The following CERKL variants were observed in gnomAD, a reference collection of about 807,000 sequenced individuals.
CERKL encodes ceramide kinase-like protein.
In CERKL, 61 loss-of-function variants were observed where a neutral mutation model predicts 63.4. The observed-to-expected ratio is 0.96, with a 90% CI of 0.78 to 1.19. CERKL has a LOEUF of 1.19. Among genes scored for constraint, CERKL ranks in the 50% most tolerant of loss-of-function variants. CERKL has a pLI of 0.00. For synonymous variants in CERKL, 250 were observed against 230.5 expected (o/e 1.08, Z -0.77); for missense variants, 675 against 655.5 (o/e 1.03, Z -0.33).
At chr2:181,623,521 T>C (rs375808414) in intron 1 of CERKL, among the ~76,000 whole-genome samples, 1 of 152,226 alleles carries the variant, frequency 6.6e-6, no homozygotes, top group East Asian at 1.9e-4. Flanking sequence ...ATAGTATGTA[T>C]TTGAGTGAAA....
At chr2:181,619,673 T>C (rs1348124) in intron 1 of CERKL, among the ~76,000 whole-genome samples, 151,212 of 152,266 alleles carry the variant, frequency 0.99, 75,098 homozygotes, top group Middle Eastern at 1. Context: ...CATGGAAGGC[T>C]TTCTTGACTC....
At chr2:181,570,857 A>G (rs1688872940) in intron 3 of CERKL, among the ~76,000 whole-genome samples, 1 of 152,102 alleles carries the variant, frequency 6.6e-6, no homozygotes, top group Non-Finnish European at 1.5e-5. Flanking sequence ...TTAACTCATC[A>G]TATAGGGTTT....
intron 2 of CERKL, among the ~76,000 whole-genome samples, chr2:181,588,197 G>C (rs1463515394): frequency 6.6e-6 from 1 of 152,072 alleles, no homozygotes; most frequent in Non-Finnish European, 1.5e-5. Context: ...TAGACCTCTT[G>C]AACTTCTTCC....
intron 1 of CERKL, among the ~76,000 whole-genome samples, chr2:181,646,806 C>G (rs1036401363): frequency 9.2e-5 from 14 of 152,204 alleles, no homozygotes; most frequent in African/African-American, 3.4e-4. Context: ...TTCTGCTAAT[C>G]TCTGCCTGAA....
chr2:181,541,444 C>A lies in CERKL; in HGVS notation c.1366-2180G>T, dbSNP rs114603217. Among the ~76,000 whole-genome samples, 1,466 of 152,252 alleles carry A rather than the reference C, an allele frequency of 9.6e-3. 12 individuals are homozygous for A. The highest frequency in any genetic ancestry group is 0.015 in the Non-Finnish European group (992 of 68,024). ...AGCCAATGAATAAAATGCCAAAACA[C>A]TGGGAATGTGGTGGAGGGTGGTAAT... is the stretch of plus-strand genomic sequence containing the variant. On this transcript the variant is annotated intron_variant, in intron 11 of 12. Transcript: ENST00000410087.
intron 1 of CERKL, 86 bp downstream of exon 1, chr2:181,656,683 A>G: frequency 8.6e-7 from 1 of 1,161,514 alleles, no homozygotes; most frequent in Non-Finnish European, 1.2e-6. Flanking sequence ...GGGAGGGTGG[A>G]GCAAAAGCTC....
intron 1 of CERKL, among the ~76,000 whole-genome samples, chr2:181,612,200 C>A (rs920474768): frequency 6.6e-6 from 1 of 152,172 alleles, no homozygotes; most frequent in East Asian, 1.9e-4. Flanking sequence ...TACTACAACT[C>A]GTTAACAACA....
At chr2:181,552,381 A>G (rs1688023650) in intron 5 of CERKL, among the ~76,000 whole-genome samples, 1 of 152,080 alleles carries the variant, frequency 6.6e-6, no homozygotes, top group Non-Finnish European at 1.5e-5. Flanking sequence ...TTCTTGTGAT[A>G]GTGAGTGAGT....
At chr2:181,609,246 TCCCTCCC>T (rs1038038312) in intron 1 of CERKL, among the ~76,000 whole-genome samples, 1 of 106,922 alleles carries the variant, frequency 9.4e-6, no homozygotes, top group African/African-American at 3.6e-5. Context: ...CCCAATGCTA[TCCCTCCC>T]CCCTCCCCCC....
chr2:181,588,941 G>A (rs1281505598), intron 2 of CERKL, among the ~76,000 whole-genome samples: 1 of 151,874 alleles, frequency 6.6e-6, no homozygotes, highest in African/African-American at 2.4e-5. Flanking sequence ...TTGTTTTCTT[G>A]CTATTGAGTT....
At chr2:181,618,139 T>C (rs1686283130) in intron 1 of CERKL, among the ~76,000 whole-genome samples, 1 of 152,174 alleles carries the variant, frequency 6.6e-6, no homozygotes, top group South Asian at 2.1e-4. Flanking sequence ...GGGGTGGGTG[T>C]TGAAAAATTA....
chr2:181,646,673 G>C (rs944533698), intron 1 of CERKL, among the ~76,000 whole-genome samples: 7 of 152,214 alleles, frequency 4.6e-5, no homozygotes, highest in Admixed American at 1.3e-4. Flanking sequence ...GTTCCCATGA[G>C]AGACTGATAA....
chr2:181,589,479 C>A (rs760926541), intron 2 of CERKL, among the ~76,000 whole-genome samples: 1 of 152,162 alleles, frequency 6.6e-6, no homozygotes, highest in African/African-American at 2.4e-5. Context: ...TGAAGCTTTA[C>A]GCCTATGTTT....
intron 1 of CERKL, among the ~76,000 whole-genome samples, chr2:181,649,206 GAA>G (rs1687796810): frequency 6.6e-6 from 1 of 152,124 alleles, no homozygotes; most frequent in African/African-American, 2.4e-5. Flanking sequence ...TGAAGAAATG[GAA>G]AAAGATATTC....
At chr2:181,641,302 CATATATATATATATATATATAT>C (rs1174454591) in intron 1 of CERKL, among the ~76,000 whole-genome samples, 3 of 97,122 alleles carry the variant, frequency 3.1e-5, no homozygotes, top group African/African-American at 7.8e-5. Context: ...TATGTGTATG[CATATATATATATATATATATAT>C]ATATATATAT....
chr2:181,651,791 C>G (rs1412751338), intron 1 of CERKL, among the ~76,000 whole-genome samples: 1 of 150,878 alleles, frequency 6.6e-6, no homozygotes, highest in African/African-American at 2.4e-5. Flanking sequence ...CACAAAAGAA[C>G]TGTTAGAATT....
intron 11 of CERKL, among the ~76,000 whole-genome samples, chr2:181,541,870 G>A (rs1687520106): frequency 6.6e-6 from 1 of 152,144 alleles, no homozygotes; most frequent in Non-Finnish European, 1.5e-5. Flanking sequence ...ACAACTTTAG[G>A]GGAAAAGATA....
chr2:181,554,372 A>G (rs1230404101), intron 5 of CERKL, among the ~76,000 whole-genome samples: 18 of 152,128 alleles, frequency 1.2e-4, no homozygotes, highest in Non-Finnish European at 2.2e-4. Flanking sequence ...TGCCTGAAAT[A>G]TCATAGAAAT....
chr2:181,639,718 C>T (rs564733852), intron 1 of CERKL, among the ~76,000 whole-genome samples: 1 of 152,230 alleles, frequency 6.6e-6, no homozygotes, highest in Non-Finnish European at 1.5e-5. Flanking sequence ...AGTCAGACTG[C>T]CTAGCTTTGA....
Sources: gnomAD v4.1 joint callset for allele counts (sites outside exome capture counted in the v4.1 genomes callset) on GRCh38, gnomAD v4.1.1 for gene constraint, MANE v1.5 for transcripts, NCBI Gene and HGNC (gene_info 2026-07-23, HGNC 2026-07-21) for gene names.